Variants in PLPP1 observed in about 807,000 individuals in gnomAD.
PLPP1 encodes the protein phospholipid phosphatase 1.
In PLPP1, 24 loss-of-function variants were observed where a neutral mutation model predicts 31.2. The observed-to-expected ratio is 0.77, with a 90% CI of 0.56 to 1.08. The LOEUF is 1.08. PLPP1 is among the 50% of genes least tolerant of loss of function. The probability of loss-of-function intolerance (pLI) is 0.00; values close to 1 mark genes in which losing one functional copy is unlikely to be tolerated. For synonymous variants in PLPP1, 146 were observed against 126.3 expected (o/e 1.16, Z -1.05); for missense variants, 319 against 342.7 (o/e 0.93, Z 0.55).
At chr5:55,455,234 A>C (rs541252311) in intron 3 of PLPP1, among the ~76,000 whole-genome samples, 98 of 152,324 alleles carry the variant, frequency 6.4e-4, no homozygotes, top group African/African-American at 2.3e-3. Flanking sequence ...GCCAGAAAAA[A>C]AGAAAAAAAA....
chr5:55,443,192 A>AAATATATATAT, intron 3 of PLPP1, among the ~76,000 whole-genome samples: 46 of 25,424 alleles, frequency 1.8e-3, no homozygotes, highest in Non-Finnish European at 2.0e-3. Flanking sequence ...AAAAAAAAAA[A>AAATATATATAT]ATATATATAT....
Position 55,425,124 on chromosome 5 carries a change from A to G in PLPP1, c.*82T>C, listed in dbSNP as rs757810997. 1 of 1,501,390 alleles carries G rather than the reference A, an allele frequency of 6.7e-7. No homozygotes were observed. 93.0% of individuals were successfully genotyped at this position (1,501,390 alleles called of 1,614,324 possible). A position where few individuals can be genotyped will look rare whatever the true frequency, so the allele number is the denominator to read the frequency against. Reference sequence around the variant, plus strand: ...AGTCTTTAAAGGCTTGTACACCAGGAAGAAAGATGCATCCTCTTGCCTTGT... The same window carrying G: ...AGTCTTTAAAGGCTTGTACACCAGGGAGAAAGATGCATCCTCTTGCCTTGT... On this transcript the variant is annotated 3_prime_UTR_variant, in exon 6 of 6. Transcript: ENST00000307259.
chr5:55,501,625 C>T (rs934558468), intron 1 of PLPP1, among the ~76,000 whole-genome samples: 8 of 152,168 alleles, frequency 5.3e-5, no homozygotes, highest in Non-Finnish European at 8.8e-5. Context: ...CTGCCTCAGC[C>T]TCCTGAGGAG....
At chr5:55,492,121 C>A (rs1168168940) in intron 1 of PLPP1, among the ~76,000 whole-genome samples, 1 of 152,014 alleles carries the variant, frequency 6.6e-6, no homozygotes, top group African/African-American at 2.4e-5. Context: ...TTAGTGGCTT[C>A]TTAAGATATT....
At chr5:55,445,348 T>C (rs1322408601) in intron 3 of PLPP1, among the ~76,000 whole-genome samples, 2 of 152,072 alleles carry the variant, frequency 1.3e-5, no homozygotes, top group South Asian at 2.1e-4. Flanking sequence ...ATATAAAGCA[T>C]ATCTTAATTT....
At chr5:55,425,709 G>T in intron 5 of PLPP1, 154 bp downstream of exon 5, 1 of 631,886 alleles carries the variant, frequency 1.6e-6, no homozygotes, top group Non-Finnish European at 2.5e-6. Context: ...TTTTTAACCT[G>T]GTGTGTATCC....
At chr5:55,444,988 G>A (rs888931746) in intron 3 of PLPP1, among the ~76,000 whole-genome samples, 18 of 152,258 alleles carry the variant, frequency 1.2e-4, no homozygotes, top group African/African-American at 4.1e-4. Flanking sequence ...GACCTCAGGT[G>A]ATCTGCCCGC....
chr5:55,462,311 GACTAAGTGTCCAGAAATAGACCC>G (rs1752183054), intron 3 of PLPP1, among the ~76,000 whole-genome samples: 1 of 152,194 alleles, frequency 6.6e-6, no homozygotes, highest in Non-Finnish European at 1.5e-5. Flanking sequence ...CAATGAACTA[GACTAAGTGTCCAGAAATAGACCC>G]ACATTTATGT....
chr5:55,534,431 G>A (rs1223372482), intron 1 of PLPP1, 141 bp downstream of exon 1: 10 of 883,350 alleles, frequency 1.1e-5, no homozygotes, highest in African/African-American at 1.8e-5. Flanking sequence ...GGGGTCCCTC[G>A]GCTGCAGAAG....
Position 55,482,225 on chromosome 5 carries a change from C to CAT in PLPP1, c.59-6777_59-6776dup, listed in dbSNP as rs1554039794. On this transcript the variant is annotated intron_variant, in intron 1 of 5. Transcript: ENST00000307259. ...ACAGACACACACACACACACACACA[C>CAT]ATCTCCAGTCAGGATACGCATTCAA... Among the ~76,000 whole-genome samples, 924 of 149,660 alleles carry CAT rather than the reference C, an allele frequency of 6.2e-3. 112 individuals are homozygous for CAT. Among genetic ancestry groups the CAT allele is most frequent in the Middle Eastern group, 0.038 (11 of 288 alleles).
At chr5:55,475,518 T>C in intron 1 of PLPP1, 68 bp from the exon 2 acceptor site, 1 of 1,369,834 alleles carries the variant, frequency 7.3e-7, no homozygotes, top group Non-Finnish European at 9.9e-7. Flanking sequence ...TGGCAATAAT[T>C]ATCCCACAGA....
At chr5:55,492,902 G>A (rs538576387) in intron 1 of PLPP1, among the ~76,000 whole-genome samples, 35 of 152,236 alleles carry the variant, frequency 2.3e-4, no homozygotes, top group African/African-American at 5.1e-4. Context: ...GGGAATATAC[G>A]GCCTCCCATG....
At chr5:55,473,374 C>T (rs1752463333) in intron 2 of PLPP1, among the ~76,000 whole-genome samples, 1 of 152,104 alleles carries the variant, frequency 6.6e-6, no homozygotes, top group South Asian at 2.1e-4. Context: ...GCAGTGGACA[C>T]AAGGATGAAC....
chr5:55,515,762 C>G (rs573820712), intron 1 of PLPP1, among the ~76,000 whole-genome samples: 1 of 152,234 alleles, frequency 6.6e-6, no homozygotes, highest in East Asian at 1.9e-4. Context: ...TCCAACCAAT[C>G]TGAAAAGTCA....
intron 1 of PLPP1, among the ~76,000 whole-genome samples, chr5:55,508,204 A>G (rs1179560151): frequency 6.6e-6 from 1 of 152,088 alleles, no homozygotes; most frequent in Admixed American, 6.6e-5. Flanking sequence ...TGACCTCCCC[A>G]AAGGGACCCA....
chr5:55,488,208 TAAA>T (rs781599627), intron 1 of PLPP1, among the ~76,000 whole-genome samples: 8 of 143,182 alleles, frequency 5.6e-5, no homozygotes, highest in African/African-American at 1.0e-4. Flanking sequence ...TTCCACTCCT[TAAA>T]AAAAAAAAAA....
At chr5:55,495,289 G>C (rs1752982369) in intron 1 of PLPP1, among the ~76,000 whole-genome samples, 1 of 152,056 alleles carries the variant, frequency 6.6e-6, no homozygotes, top group Admixed American at 6.6e-5. Context: ...AAGACTAAAA[G>C]AAACAAAGCA....
At chr5:55,491,343 G>C (rs890275682) in intron 1 of PLPP1, among the ~76,000 whole-genome samples, 1 of 152,032 alleles carries the variant, frequency 6.6e-6, no homozygotes, top group Non-Finnish European at 1.5e-5. Context: ...ATTGACCTCC[G>C]ATTTTAGAAA....
rs188964911 is a variant in PLPP1 at position 55,440,254 on chromosome 5, T to C, written c.549+1597A>G. Among the ~76,000 whole-genome samples the C allele has an allele frequency of 7.9e-5, 12 of 152,308 alleles. No homozygotes were observed. The East Asian group carries it at 2.3e-3, about 29-fold the overall frequency. On this transcript the variant is annotated intron_variant, in intron 4 of 5. Transcript: ENST00000307259. ...GACAAAAGCTAGACCTAGTGAGGTC[T>C]AGCCCAGGGCATACAAAGCACGCCC...
Sources: gnomAD v4.1 joint callset for allele counts (sites outside exome capture counted in the v4.1 genomes callset) on GRCh38, gnomAD v4.1.1 for gene constraint, MANE v1.5 for transcripts, NCBI Gene and HGNC (gene_info 2026-07-23, HGNC 2026-07-21) for gene names.